FMO1: variants seen among roughly 807,000 people sequenced by gnomAD.
FMO1 encodes the protein flavin containing dimethylaniline monoxygenase 1.
FMO1 carries 36 observed loss-of-function variants against 45.4 expected under a neutral mutation model. That is an observed-to-expected ratio of 0.79 (90% CI 0.61 to 1.05). The LOEUF (loss-of-function observed/expected upper bound fraction) is 1.05, where lower values mean the gene tolerates loss of function less well. Among genes scored for constraint, FMO1 ranks in the 50% least tolerant of loss-of-function variants. The pLI is 0.00. For missense variants in FMO1, 615 were observed against 640.3 expected (o/e 0.96, Z 0.43); for synonymous variants, 228 against 227.2 (o/e 1.00, Z -0.03).
At chr1:171,270,965 C>A in intron 3 of FMO1, 1 of 879,686 alleles carries the variant, frequency 1.1e-6, no homozygotes, top group Non-Finnish European at 1.8e-6. Context: ...TCATCATCTT[C>A]TTCATCTTCA....
chr1:171,253,620 A>G (rs10912667), intron 1 of FMO1, among the ~76,000 whole-genome samples: 27,279 of 151,986 alleles, frequency 0.18, 2,690 homozygotes, highest in African/African-American at 0.26. Context: ...AAGTAGCCAG[A>G]CGTGGTGGTG....
In FMO1 at chr1:171,285,188, T is replaced by A; in HGVS notation, c.1257-14T>A. ...TTTGTCTTCACCTTTTCCCCCAATC[T>A]TCCTTTTATAAAGGTTTGGCTTGTG... On this transcript the variant is annotated splice_polypyrimidine_tract_variant and intron_variant, in intron 8 of 8. Transcript: ENST00000617670. 4 of 1,518,482 alleles carry A rather than the reference T, an allele frequency of 2.6e-6. No individual in the cohort carries two copies. Among genetic ancestry groups the A allele is most frequent in the Non-Finnish European group, 3.6e-6 (4 of 1,125,984 alleles). The allele number at this position is 1,518,482 out of a possible 1,614,324, so 94.1% of individuals were successfully genotyped here. A position where few individuals can be genotyped will look rare whatever the true frequency, so the allele number is the denominator to read the frequency against.
At chr1:171,258,800 T>A (rs1660270310) in intron 2 of FMO1, among the ~76,000 whole-genome samples, 1 of 152,014 alleles carries the variant, frequency 6.6e-6, no homozygotes, top group South Asian at 2.1e-4. Flanking sequence ...AGAAAAGTAA[T>A]ATACTCAAGT....
In FMO1 at chr1:171,252,035, T is replaced by C. The variant is rs1659920336; in HGVS notation, c.-7+3412T>C. ...CTTTTCACCCCAACAAAATCCCCTA[T>C]AAATTGTTATCAATCACTCTGTCTA... On this transcript the variant is annotated intron_variant, in intron 1 of 8. Coordinates refer to ENST00000617670, the MANE Select transcript of FMO1 (RefSeq NM_001282693.2). Among the ~76,000 whole-genome samples, 4 of 152,152 alleles carry C rather than the reference T, an allele frequency of 2.6e-5. No individual in the cohort carries two copies. In the South Asian group the frequency reaches 8.3e-4, roughly 31 times the overall value.
chr1:171,282,022 G>A lies in FMO1; in HGVS notation c.872G>A (p.Arg291His), dbSNP rs142868603. The change falls in exon 7 of 9, where the codon CGC (arginine) becomes CAC (histidine). Residue 291 changes from arginine (R) to histidine (H), a missense_variant. Transcript: ENST00000617670. Reference sequence around the variant, plus strand: ...GTGCTAAATGATGAGCTCCCAGGACGCATCATCACTGGGAAAGTGTTCATC... The same window carrying A: ...GTGCTAAATGATGAGCTCCCAGGACACATCATCACTGGGAAAGTGTTCATC... ...EFVLNDELPG[R>H]IITGKVFIRP... The A allele has an allele frequency of 8.7e-6, 14 of 1,612,572 alleles. No individual in the cohort carries two copies. The highest frequency in any genetic ancestry group is 2.7e-5 in the African/African-American group (2 of 74,884).
chr1:171,254,469 T>C (rs1251324266), intron 1 of FMO1, among the ~76,000 whole-genome samples: 1 of 152,082 alleles, frequency 6.6e-6, no homozygotes, highest in Non-Finnish European at 1.5e-5. Context: ...CATTGCCAAA[T>C]AGTTACACAA....
At chr1:171,276,064 T>C (rs1661095438) in intron 4 of FMO1, among the ~76,000 whole-genome samples, 1 of 152,180 alleles carries the variant, frequency 6.6e-6, no homozygotes, top group Non-Finnish European at 1.5e-5. Flanking sequence ...TTTGCAACCA[T>C]AGTCATGTTA....
At chr1:171,282,528 T>A in intron 7 of FMO1, 195 bp downstream of exon 7, 1 of 455,986 alleles carries the variant, frequency 2.2e-6, no homozygotes, top group Non-Finnish European at 3.8e-6. Context: ...TATATCAGGG[T>A]CAAAAATATA....
rs186798412 is a variant in FMO1, at chr1:171,265,040, C to T, written c.133-2503C>T. Among the ~76,000 whole-genome samples, 15 of 152,306 alleles carry T rather than the reference C, an allele frequency of 9.8e-5. 1 individual carries two copies. The highest frequency in any genetic ancestry group is 2.6e-4 in the African/African-American group (11 of 41,568). On this transcript the variant is annotated intron_variant, in intron 2 of 8. Transcript: ENST00000617670. ...GAGCTACAGAGCTGTGCTTCTCAAACAGTGAAGAACAATCAAGTTTTTTTC... is the reference window on the plus strand; with the variant it reads ...GAGCTACAGAGCTGTGCTTCTCAAATAGTGAAGAACAATCAAGTTTTTTTC...
chr1:171,265,432 T>C (rs879858510), intron 2 of FMO1, among the ~76,000 whole-genome samples: 1 of 147,646 alleles, frequency 6.8e-6, no homozygotes, highest in Admixed American at 6.7e-5. Flanking sequence ...AAAAAAAGAA[T>C]GCTTAGAAAA....
At chr1:171,255,417 G>A (rs889031013) in intron 1 of FMO1, among the ~76,000 whole-genome samples, 4 of 152,146 alleles carry the variant, frequency 2.6e-5, no homozygotes, top group Admixed American at 2.0e-4. Flanking sequence ...CCTGCTCAAG[G>A]TCTCCACAGC....
At chr1:171,253,532 C>A (rs956079602) in intron 1 of FMO1, among the ~76,000 whole-genome samples, 1 of 151,974 alleles carries the variant, frequency 6.6e-6, no homozygotes, top group Non-Finnish European at 1.5e-5. Context: ...GAGGCCGAGG[C>A]GGGTGGATCA....
intron 3 of FMO1, among the ~76,000 whole-genome samples, chr1:171,269,756 T>A (rs932086085): frequency 3.3e-5 from 5 of 152,330 alleles, no homozygotes; most frequent in Non-Finnish European, 7.3e-5. Context: ...TCAAATAAAT[T>A]GAATAATTCA....
At chr1:171,253,923 C>A (rs913317729) in intron 1 of FMO1, 4 of 152,010 alleles carry the variant, frequency 2.6e-5, no homozygotes, top group African/African-American at 9.7e-5. Context: ...TAGTCAAGTA[C>A]AGTAGTGAGA....
intron 1 of FMO1, among the ~76,000 whole-genome samples, chr1:171,255,720 A>G (rs1267806548): frequency 6.6e-6 from 1 of 151,808 alleles, no homozygotes; most frequent in Non-Finnish European, 1.5e-5. Context: ...AAATTGCCTC[A>G]CCCTCTTTCT....
chr1:171,255,745 G>A (rs1660119461), intron 1 of FMO1, among the ~76,000 whole-genome samples: 1 of 152,062 alleles, frequency 6.6e-6, no homozygotes, highest in South Asian at 2.1e-4. Context: ...CCAGCTCATG[G>A]AAATGGCTCC....
intron 3 of FMO1, among the ~76,000 whole-genome samples, chr1:171,268,419 G>A (rs1196419333): frequency 2.0e-5 from 3 of 152,146 alleles, no homozygotes; most frequent in African/African-American, 7.2e-5. Context: ...TTATAGGAAT[G>A]GACACGTGCA....
At position 171,275,993 on chromosome 1, in the gene FMO1, G is replaced by A. The variant is rs920175058; in HGVS notation, c.484+485G>A. Among the ~76,000 whole-genome samples the A allele has an allele frequency of 1.5e-4, 23 of 152,230 alleles. 1 individual carries two copies. The highest frequency in any genetic ancestry group is 6.8e-3 in the Middle Eastern group (2 of 294). ...TTACGGCACTGGTCAATAGTCAAGA[G>A]GGAGATTAGTCTTGGGAGACAACTT... On this transcript the variant is annotated intron_variant, in intron 4 of 8. Transcript: ENST00000617670.
chr1:171,264,335 T>TACACAC (rs199581410), intron 2 of FMO1, among the ~76,000 whole-genome samples: 5 of 147,924 alleles, frequency 3.4e-5, no homozygotes, highest in South Asian at 2.1e-4. Flanking sequence ...TATATATATA[T>TACACAC]ACACACACAC....
Sources: allele counts gnomAD v4.1 joint callset (sites outside exome capture counted in the v4.1 genomes callset), GRCh38; gene constraint gnomAD v4.1.1; transcripts MANE v1.5; gene names NCBI Gene and HGNC (gene_info 2026-07-23, HGNC 2026-07-21).